SEPTIN7: variants seen among roughly 807,000 people sequenced by gnomAD.
SEPTIN7 encodes septin 7, also known as septin-7.
A neutral mutation model predicts 63.3 loss-of-function variants in SEPTIN7; 10 were observed. That is an observed-to-expected ratio of 0.16 (90% confidence interval 0.10 to 0.27). The LOEUF is 0.27. SEPTIN7 is among the 10% of genes least tolerant of loss of function. The pLI is 1.00. For synonymous variants in SEPTIN7, 131 were observed against 165.3 expected (o/e 0.79, Z 1.59); for missense variants, 310 against 521.0 (o/e 0.59, Z 3.94).
At chr7:35,805,376 A>C (rs1485837659) in intron 1 of SEPTIN7, among the ~76,000 whole-genome samples, 2 of 152,256 alleles carry the variant, frequency 1.3e-5, no homozygotes, top group African/African-American at 4.8e-5. Context: ...TGGAAATGGA[A>C]TAAGAAAGAT....
At chr7:35,891,984 A>T (rs1331721989) in intron 11 of SEPTIN7, among the ~76,000 whole-genome samples, 1 of 152,146 alleles carries the variant, frequency 6.6e-6, no homozygotes, top group African/African-American at 2.4e-5. Context: ...ACATTAGCCT[A>T]GGCCTACTCA....
intron 1 of SEPTIN7, 49 bp from the exon 2 acceptor site, chr7:35,831,443 C>A: frequency 2.2e-6 from 1 of 452,462 alleles, no homozygotes. Context: ...TGGATTTCTT[C>A]TGTTGGAATC....
At chr7:35,860,003 G>A (rs1287464393) in intron 3 of SEPTIN7, among the ~76,000 whole-genome samples, 1 of 151,902 alleles carries the variant, frequency 6.6e-6, no homozygotes, top group African/African-American at 2.4e-5. Context: ...GAACTAACTT[G>A]CCATTTTGTT....
chr7:35,845,236 A>G (rs1273332204), intron 3 of SEPTIN7, among the ~76,000 whole-genome samples: 1 of 152,034 alleles, frequency 6.6e-6, no homozygotes, highest in Non-Finnish European at 1.5e-5. Context: ...ACATATATAT[A>G]TTATATATGT....
intron 1 of SEPTIN7, among the ~76,000 whole-genome samples, chr7:35,801,558 C>G (rs975368824): frequency 1.3e-5 from 2 of 152,048 alleles, no homozygotes; most frequent in Admixed American, 1.3e-4. Flanking sequence ...CCTCCGCGGC[C>G]GGAGCAGCCT....
intron 1 of SEPTIN7, among the ~76,000 whole-genome samples, chr7:35,825,655 G>C (rs1265664817): frequency 6.6e-6 from 1 of 152,032 alleles, no homozygotes; most frequent in East Asian, 1.9e-4. Context: ...TCTTGAGCAG[G>C]GATCTTGTTT....
rs77213047 is a variant in SEPTIN7 at position 35,880,213 on chromosome 7, T to C, written c.630+273T>C. Among the ~76,000 whole-genome samples, 102 of 133,828 alleles carry C rather than the reference T, an allele frequency of 7.6e-4. 1 individual carries two copies. The highest frequency in any genetic ancestry group is 9.2e-4 in the South Asian group (4 of 4,350). The allele number at this position is 133,828 out of a possible 152,430, so 87.8% of individuals were successfully genotyped here. A position where few individuals can be genotyped will look rare whatever the true frequency, so the allele number is the denominator to read the frequency against. ...TTTCTTTTCTCTTTTCTTTTCTTTTTTTTTCTTTTCTTTTTTTTTTTTTTT... is the reference window on the plus strand; with the variant it reads ...TTTCTTTTCTCTTTTCTTTTCTTTTCTTTTCTTTTCTTTTTTTTTTTTTTT... On this transcript the variant is annotated intron_variant, in intron 7 of 13. Coordinates refer to ENST00000350320, the MANE Select transcript of SEPTIN7 (RefSeq NM_001788.6).
chr7:35,829,778 G>GC (rs751172348), intron 1 of SEPTIN7, among the ~76,000 whole-genome samples: 4 of 152,190 alleles, frequency 2.6e-5, no homozygotes, highest in Non-Finnish European at 2.9e-5. Flanking sequence ...TTGGATAATG[G>GC]CAAGAGCTAA....
At chr7:35,900,986 A>C (rs921248967) in intron 12 of SEPTIN7, 3 of 152,220 alleles carry the variant, frequency 2.0e-5, no homozygotes, top group African/African-American at 7.2e-5. Flanking sequence ...TTTGCAAATC[A>C]TCATGTATAT....
chr7:35,849,209 T>C (rs1784835559), intron 3 of SEPTIN7, among the ~76,000 whole-genome samples: 1 of 152,212 alleles, frequency 6.6e-6, no homozygotes, highest in South Asian at 2.1e-4. Flanking sequence ...GATCAACATA[T>C]GTATGGAATG....
intron 1 of SEPTIN7, among the ~76,000 whole-genome samples, chr7:35,802,621 C>T (rs180775820): frequency 6.6e-6 from 1 of 152,158 alleles, no homozygotes. Context: ...CAGTTTTTCC[C>T]CCTAAAGTTT....
chr7:35,853,452 CAT>C (rs1283626208), intron 3 of SEPTIN7, among the ~76,000 whole-genome samples: 1 of 152,102 alleles, frequency 6.6e-6, no homozygotes, highest in Non-Finnish European at 1.5e-5. Context: ...TGGGTCAGGA[CAT>C]AGAGGTCAAG....
chr7:35,896,339 T>G (rs1787958648), intron 11 of SEPTIN7, among the ~76,000 whole-genome samples: 1 of 152,190 alleles, frequency 6.6e-6, no homozygotes, highest in African/African-American at 2.4e-5. Context: ...TTCAGTTACT[T>G]AAGGTTAGCA....
chr7:35,870,606 T>C (rs991168827), intron 4 of SEPTIN7, among the ~76,000 whole-genome samples: 3 of 152,164 alleles, frequency 2.0e-5, no homozygotes, highest in African/African-American at 4.8e-5. Flanking sequence ...ATTCAAGATA[T>C]TGAGATGTTA....
At chr7:35,825,021 C>T (rs1322531481) in intron 1 of SEPTIN7, among the ~76,000 whole-genome samples, 2 of 152,120 alleles carry the variant, frequency 1.3e-5, no homozygotes, top group African/African-American at 4.8e-5. Flanking sequence ...GAGTTCTAAC[C>T]TATATTTCTC....
At position 35,829,128 on chromosome 7, in the gene SEPTIN7, C is replaced by CTTTTTTTTTTTTTTTTTTTTT. The variant is rs71553032; in HGVS notation, c.62-2360_62-2340dup. 6.4e-4 allele frequency among the ~76,000 whole-genome samples: 39 copies of CTTTTTTTTTTTTTTTTTTTTT among 61,068 alleles called. 7 individuals are homozygous for CTTTTTTTTTTTTTTTTTTTTT. The highest frequency in any genetic ancestry group is 7.8e-4 in the African/African-American group (11 of 14,182). The allele number at this position is 61,068 out of a possible 152,430, so 40.1% of individuals were successfully genotyped here. A position where few individuals can be genotyped will look rare whatever the true frequency, so the allele number is the denominator to read the frequency against. On this transcript the variant is annotated intron_variant, in intron 1 of 13. Coordinates refer to ENST00000350320, the MANE Select transcript of SEPTIN7 (RefSeq NM_001788.6). Reference sequence around the variant, plus strand: ...CACTTCATTATAGTTCATGGACCTTCTTTTTTTTTTTTTTTTTTTTTTTTG... The same window carrying CTTTTTTTTTTTTTTTTTTTTT: ...CACTTCATTATAGTTCATGGACCTTCTTTTTTTTTTTTTTTTTTTTTTTTTTTTTTTTTTTTTTTTTTTTTG...
chr7:35,914,987 C>T, the SEPTIN7 span, among the ~76,000 whole-genome samples: 912 of 151,064 alleles, frequency 6.0e-3, 7 homozygotes, highest in Non-Finnish European at 1.0e-2. Flanking sequence ...CATATGCATG[C>T]GTGTGTACAC....
intron 1 of SEPTIN7, among the ~76,000 whole-genome samples, chr7:35,814,757 C>T (rs777332864): frequency 9.9e-5 from 15 of 151,834 alleles, no homozygotes; most frequent in Non-Finnish European, 1.9e-4. Context: ...GGGTGGATCA[C>T]GAGGTCAGGA....
At chr7:35,882,706 G>T (rs1786964969) in intron 8 of SEPTIN7, 130 bp downstream of exon 8, 1 of 798,380 alleles carries the variant, frequency 1.3e-6, no homozygotes, top group East Asian at 4.0e-5. Context: ...GAGATTTAAT[G>T]TTGAATTCAA....
Sources: gnomAD v4.1 joint callset for allele counts (sites outside exome capture counted in the v4.1 genomes callset) on GRCh38, gnomAD v4.1.1 for gene constraint, MANE v1.5 for transcripts, NCBI Gene and HGNC (gene_info 2026-07-23, HGNC 2026-07-21) for gene names.